Variants in GEMIN5 observed in about 807,000 individuals in gnomAD.
GEMIN5 encodes gem-associated protein 5.
In GEMIN5, 124 loss-of-function variants were observed where a neutral mutation model predicts 176.9. The observed-to-expected ratio is 0.70, with a 90% CI of 0.61 to 0.81. GEMIN5 has a LOEUF of 0.81. Among genes scored for constraint, GEMIN5 ranks in the 40% least tolerant of loss-of-function variants. The pLI is 0.00. For synonymous variants in GEMIN5, 673 were observed against 665.2 expected (o/e 1.01, Z -0.18); for missense variants, 1,843 against 1,814.6 (o/e 1.02, Z -0.28).
chr5:154,934,336 G>A (rs923430412), intron 3 of GEMIN5, among the ~76,000 whole-genome samples: 8 of 152,186 alleles, frequency 5.3e-5, no homozygotes, highest in South Asian at 2.1e-4. Context: ...ACAGGCATGC[G>A]CCACCATGCC....
intron 4 of GEMIN5, 61 bp downstream of exon 4, chr5:154,932,038 T>C: frequency 8.4e-7 from 1 of 1,183,484 alleles, no homozygotes; most frequent in South Asian, 1.4e-5. Flanking sequence ...AATGATATAA[T>C]TGTACCCGTT....
Position 154,891,444 on chromosome 5 carries a change from C to T in GEMIN5, c.4059G>A (p.Leu1353=). 6.2e-7 allele frequency: 1 copy of T among 1,614,156 alleles called. No individual in the cohort carries two copies. The highest frequency in any genetic ancestry group is 8.5e-7 in the Non-Finnish European group (1 of 1,180,016). ...CTGAAAAGAGCTCCTTAAAAGTACT[C>T]AGCATTCGCTCACCTTCTTCTGTGA... ...LRLTEEGERM[L]STFKELFSEK... Residue 1353 remains leucine, a synonymous_variant, in exon 26 of 28, where the codon CTG becomes CTA. Transcript: ENST00000285873.
chr5:154,920,113 A>C lies in GEMIN5; in HGVS notation c.1463-10T>G, dbSNP rs760513862. ...CTGTCTCCTTCTCCTCCTGTATGAAATAAGAAAAGAAACTTATCAGTTTTG... is the reference window on the plus strand; with the variant it reads ...CTGTCTCCTTCTCCTCCTGTATGAACTAAGAAAAGAAACTTATCAGTTTTG... On this transcript the variant is annotated splice_polypyrimidine_tract_variant and intron_variant, in intron 10 of 27. Coordinates refer to ENST00000285873, the MANE Select transcript of GEMIN5 (RefSeq NM_015465.5). 18 of 1,604,670 alleles carry C rather than the reference A, an allele frequency of 1.1e-5. No homozygotes were observed. The highest frequency in any genetic ancestry group is 1.2e-5 in the Non-Finnish European group (14 of 1,176,372).
At chr5:154,917,217 G>GCC (rs767488702) in intron 12 of GEMIN5, 38 bp from the exon 13 acceptor site, 38 of 1,218,220 alleles carry the variant, frequency 3.1e-5, no homozygotes, top group Non-Finnish European at 3.8e-5. Context: ...AAAGATGGAT[G>GCC]ATCAAATTAC....
chr5:154,894,314 T>C (rs573480185), intron 24 of GEMIN5, among the ~76,000 whole-genome samples: 7 of 152,340 alleles, frequency 4.6e-5, no homozygotes, highest in South Asian at 2.1e-4. Flanking sequence ...CATTCATCAG[T>C]TGATGGACAT....
At chr5:154,907,915 ATT>A in intron 15 of GEMIN5, 97 bp from the exon 16 acceptor site, 1 of 768,460 alleles carries the variant, frequency 1.3e-6, no homozygotes, top group Non-Finnish European at 2.2e-6. Flanking sequence ...CTTTAATAGC[ATT>A]TTTACCCATT....
At chr5:154,901,274 T>C (rs1763457974) in intron 21 of GEMIN5, 65 bp downstream of exon 21, 1 of 1,420,738 alleles carries the variant, frequency 7.0e-7, no homozygotes, top group South Asian at 1.2e-5. Flanking sequence ...ACTTTAACAA[T>C]AGAGAAGTTT....
intron 14 of GEMIN5, 131 bp from the exon 15 acceptor site, chr5:154,912,029 T>A: frequency 2.5e-6 from 2 of 800,438 alleles, no homozygotes; most frequent in Non-Finnish European, 3.9e-6. Context: ...TCAGGTGATT[T>A]AGAGTTTTCT....
rs1159497078 is a variant in GEMIN5 at position 154,901,551 on chromosome 5, C to T, written c.2867-65G>A. On this transcript the variant is annotated intron_variant, in intron 20 of 27. Coordinates refer to ENST00000285873, the MANE Select transcript of GEMIN5 (RefSeq NM_015465.5). ...GAAAAAGTAAAAACAATACCCAGTA[C>T]ATTTGGGTTGAAAAAGCCTTGTTTT... 5 of 1,500,894 alleles carry T rather than the reference C, an allele frequency of 3.3e-6. No homozygotes were observed. The African/African-American group carries it at 4.2e-5, about 13-fold the overall frequency. The allele number at this position is 1,500,894 out of a possible 1,614,324, so 93.0% of individuals were successfully genotyped here.
At chr5:154,926,808 G>T (rs1034051962) in intron 7 of GEMIN5, among the ~76,000 whole-genome samples, 8 of 152,206 alleles carry the variant, frequency 5.3e-5, no homozygotes, top group Non-Finnish European at 1.2e-4. Flanking sequence ...CACTTTGGGA[G>T]GCTGAGGCAG....
chr5:154,898,436 T>C lies in GEMIN5; in HGVS notation c.3345+4A>G. On this transcript the variant is annotated splice_donor_region_variant and intron_variant, in intron 23 of 27. Coordinates refer to ENST00000285873, the MANE Select transcript of GEMIN5 (RefSeq NM_015465.5). Reference sequence around the variant, plus strand: ...TATACTAGGAGATGAAATAACAGACTGACCTGTAGACTTTCATGCAGCTGC... The same window carrying C: ...TATACTAGGAGATGAAATAACAGACCGACCTGTAGACTTTCATGCAGCTGC... 6.2e-7 allele frequency: 1 copy of C among 1,609,724 alleles called. No individual in the cohort carries two copies. Among genetic ancestry groups the C allele is most frequent in the Non-Finnish European group, 8.5e-7 (1 of 1,176,006 alleles).
At chr5:154,916,892 CTTATT>C in intron 13 of GEMIN5, 101 bp downstream of exon 13, 3 of 567,296 alleles carry the variant, frequency 5.3e-6, no homozygotes, top group Non-Finnish European at 5.9e-6. Flanking sequence ...AAGAATAATA[CTTATT>C]TTATTATAAT....
At chr5:154,896,484 G>A (rs1763355346) in intron 23 of GEMIN5, 141 bp from the exon 24 acceptor site, 1 of 753,824 alleles carries the variant, frequency 1.3e-6, no homozygotes, top group Admixed American at 3.7e-5. Flanking sequence ...TGCCCCATAT[G>A]AGTCATGCAT....
Position 154,888,125 on chromosome 5 carries a change from A to G in GEMIN5, c.*85T>C, listed in dbSNP as rs544865749. 2 of 1,251,298 alleles carry G rather than the reference A, an allele frequency of 1.6e-6. No homozygotes were observed. The highest frequency in any genetic ancestry group is 3.0e-5 in the African/African-American group (2 of 67,206). The allele number at this position is 1,251,298 out of a possible 1,614,324, so 77.5% of individuals were successfully genotyped here. A position where few individuals can be genotyped will look rare whatever the true frequency, so the allele number is the denominator to read the frequency against. ...TACTGCAAAAACATCTAGGGACCAG[A>G]GTGAATGTCTGGTGAGGCATAACTG... On this transcript the variant is annotated 3_prime_UTR_variant, in exon 28 of 28. Coordinates refer to ENST00000285873, the MANE Select transcript of GEMIN5 (RefSeq NM_015465.5).
intron 10 of GEMIN5, 116 bp downstream of exon 10, chr5:154,921,227 C>T: frequency 1.5e-6 from 1 of 650,000 alleles, no homozygotes; most frequent in Non-Finnish European, 2.7e-6. Flanking sequence ...CATAAGTAGC[C>T]CACATAAGCA....
intron 23 of GEMIN5, 146 bp from the exon 24 acceptor site, chr5:154,896,489 A>C: frequency 2.8e-6 from 2 of 715,998 alleles, no homozygotes; most frequent in Non-Finnish European, 4.2e-6. Flanking sequence ...CATATGAGTC[A>C]TGCATGAAAA....
Position 154,936,652 on chromosome 5 carries a change from A to G in GEMIN5, c.327+373T>C, listed in dbSNP as rs112624361. On this transcript the variant is annotated intron_variant, in intron 2 of 27. Transcript: ENST00000285873. Reference sequence around the variant, plus strand: ...AGTTTCATTCACGCATTTACAGTCTATATCAGGAGTCCATTTGTATCAATA... The same window carrying G: ...AGTTTCATTCACGCATTTACAGTCTGTATCAGGAGTCCATTTGTATCAATA... 1.1e-3 allele frequency among the ~76,000 whole-genome samples: 166 copies of G among 152,302 alleles called. 3 individuals are homozygous for G. Among genetic ancestry groups the G allele is most frequent in the African/African-American group, 3.8e-3 (159 of 41,558 alleles).
intron 11 of GEMIN5, 70 bp from the exon 12 acceptor site, chr5:154,918,074 A>T (rs1000364936): frequency 3.2e-5 from 30 of 939,666 alleles, no homozygotes; most frequent in Non-Finnish European, 4.8e-5. Context: ...GCATGAGAAA[A>T]AAAAATCCCT....
chr5:154,891,055 CTTTTTTTTTTT>C (rs548747613), intron 26 of GEMIN5, among the ~76,000 whole-genome samples, 175 bp downstream of exon 26: 2 of 93,938 alleles, frequency 2.1e-5, no homozygotes, highest in African/African-American at 8.9e-5. Flanking sequence ...TGTGCCCGGG[CTTTTTTTTTTT>C]TTTTTTTTTT....
Sources: gnomAD v4.1 joint callset for allele counts (sites outside exome capture counted in the v4.1 genomes callset) on GRCh38, gnomAD v4.1.1 for gene constraint, MANE v1.5 for transcripts, NCBI Gene and HGNC (gene_info 2026-07-23, HGNC 2026-07-21) for gene names.